SOX5: variants seen among roughly 807,000 people sequenced by gnomAD.
SOX5 encodes the protein SRY-box transcription factor 5.
A neutral mutation model predicts 92.0 loss-of-function variants in SOX5; 9 were observed. The ratio of observed to expected loss-of-function variants is 0.10; its 90% CI spans 0.06 to 0.17. The LOEUF (loss-of-function observed/expected upper bound fraction) is 0.17. Ranked by LOEUF, SOX5 falls within the 10% of genes least tolerant of loss-of-function variation. The pLI is 1.00. For missense variants in SOX5, 642 were observed against 944.5 expected (o/e 0.68, Z 4.20); for synonymous variants, 344 against 336.3 (o/e 1.02, Z -0.25).
intron 3 of SOX5, among the ~76,000 whole-genome samples, chr12:23,837,233 TA>T (rs1241128188): frequency 1.3e-4 from 11 of 82,726 alleles, no homozygotes; most frequent in African/African-American, 3.7e-4. Flanking sequence ...ATATAATATA[TA>T]TTTATATAAT....
At chr12:24,334,240 T>C (rs1951651868) in intron 2 of SOX5, among the ~76,000 whole-genome samples, 2 of 152,038 alleles carry the variant, frequency 1.3e-5, no homozygotes, top group African/African-American at 2.4e-5. Context: ...AGAAATAATA[T>C]AGATTTTAGT....
intron 2 of SOX5, among the ~76,000 whole-genome samples, chr12:23,858,846 G>C (rs935775565): frequency 1.2e-4 from 18 of 152,274 alleles, no homozygotes; most frequent in African/African-American, 4.1e-4. Flanking sequence ...AGATTTCATG[G>C]ACATTTATTA....
At chr12:23,905,616 A>C (rs2097284539) in intron 1 of SOX5, among the ~76,000 whole-genome samples, 1 of 152,212 alleles carries the variant, frequency 6.6e-6, no homozygotes, top group African/African-American at 2.4e-5. Flanking sequence ...ACTCCACTGA[A>C]ATCATTTTAT....
At chr12:23,978,807 T>A (rs965797623) in intron 4 of SOX5, among the ~76,000 whole-genome samples, 2 of 152,174 alleles carry the variant, frequency 1.3e-5, no homozygotes, top group Admixed American at 1.3e-4. Context: ...ATAAAGGAAT[T>A]ATATTTTTCC....
At chr12:24,351,248 A>T (rs951454199) in intron 2 of SOX5, among the ~76,000 whole-genome samples, 1 of 152,172 alleles carries the variant, frequency 6.6e-6, no homozygotes, top group African/African-American at 2.4e-5. Context: ...AAAACTATAT[A>T]AACTTGCTCA....
At chr12:24,256,235 T>C (rs1164235170) in intron 3 of SOX5, among the ~76,000 whole-genome samples, 1 of 152,222 alleles carries the variant, frequency 6.6e-6, no homozygotes, top group Admixed American at 6.5e-5. Context: ...GAATAAATGG[T>C]TGAGAAATAT....
chr12:23,551,517 ACT>A (rs1944220503), intron 11 of SOX5, among the ~76,000 whole-genome samples: 1 of 151,854 alleles, frequency 6.6e-6, no homozygotes, highest in Non-Finnish European at 1.5e-5. Context: ...ACACATACAC[ACT>A]CACACAAATA....
intron 4 of SOX5, among the ~76,000 whole-genome samples, chr12:24,057,328 T>C (rs1011974382): frequency 2.0e-4 from 31 of 152,198 alleles, no homozygotes; most frequent in African/African-American, 7.2e-4. Flanking sequence ...GGTAATTACA[T>C]TGTGAACAAC....
intron 6 of SOX5, among the ~76,000 whole-genome samples, chr12:23,667,135 CAG>C (rs1279790851): frequency 1.3e-5 from 2 of 151,774 alleles, no homozygotes; most frequent in Admixed American, 1.3e-4. Flanking sequence ...GTGGGGGCGG[CAG>C]AGAGAGGGAG....
chr12:24,383,940 G>T (rs1035153839), intron 1 of SOX5, among the ~76,000 whole-genome samples: 4 of 152,268 alleles, frequency 2.6e-5, no homozygotes, highest in South Asian at 2.1e-4. Flanking sequence ...AATCAGAGGG[G>T]CAGTTATCTT....
intron 1 of SOX5, among the ~76,000 whole-genome samples, chr12:24,517,367 T>C (rs1463340427): frequency 6.6e-6 from 1 of 151,960 alleles, no homozygotes; most frequent in Non-Finnish European, 1.5e-5. Flanking sequence ...GGTGCTTACA[T>C]CCACATCAAG....
At chr12:23,791,723 A>C (rs2095478134) in intron 3 of SOX5, among the ~76,000 whole-genome samples, 1 of 152,160 alleles carries the variant, frequency 6.6e-6, no homozygotes, top group Admixed American at 6.5e-5. Flanking sequence ...TACTTTGTTT[A>C]TATGAATTAC....
At chr12:23,685,476 T>C (rs1381406534) in intron 6 of SOX5, among the ~76,000 whole-genome samples, 2 of 152,140 alleles carry the variant, frequency 1.3e-5, no homozygotes, top group Admixed American at 6.6e-5. Flanking sequence ...TGTGTGTCTC[T>C]ATACATTTGA....
chr12:23,833,196 T>C (rs563007983), intron 3 of SOX5, among the ~76,000 whole-genome samples: 19 of 152,060 alleles, frequency 1.2e-4, no homozygotes, highest in Admixed American at 1.3e-4. Flanking sequence ...TGAGGGAAGC[T>C]TGGAAGACTA....
chr12:23,674,335 A>ATTTTTTTTTTTTTT (rs1357255307), intron 6 of SOX5, among the ~76,000 whole-genome samples: 1 of 23,218 alleles, frequency 4.3e-5, no homozygotes, highest in African/African-American at 1.5e-4. Flanking sequence ...CATAAAAAGG[A>ATTTTTTTTTTTTTT]ATTTTTTTTT....
intron 4 of SOX5, among the ~76,000 whole-genome samples, chr12:23,999,140 C>CTCTGTG (rs1555467148): frequency 2.8e-5 from 4 of 141,394 alleles, no homozygotes; most frequent in Non-Finnish European, 6.1e-5. Context: ...AAAAAAGACT[C>CTCTGTG]TGTGTGTGTG....
chr12:23,637,380 T>C (rs980555008), intron 8 of SOX5, among the ~76,000 whole-genome samples: 6 of 152,112 alleles, frequency 3.9e-5, no homozygotes, highest in African/African-American at 1.4e-4. Context: ...AACTCTTCAA[T>C]GGTTCTAAAG....
At chr12:24,007,904 G>C (rs1952496100) in intron 4 of SOX5, among the ~76,000 whole-genome samples, 1 of 150,754 alleles carries the variant, frequency 6.6e-6, no homozygotes, top group Non-Finnish European at 1.5e-5. Flanking sequence ...CATTATTTCT[G>C]AATTATTTTA....
chr12:23,976,306 G>A (rs1415808803), intron 4 of SOX5, among the ~76,000 whole-genome samples: 1 of 148,654 alleles, frequency 6.7e-6, no homozygotes, highest in Non-Finnish European at 1.5e-5. Flanking sequence ...AGAAATGGAT[G>A]TGCAGTCCCG....
Sources: allele counts gnomAD v4.1 joint callset (sites outside exome capture counted in the v4.1 genomes callset), GRCh38; gene constraint gnomAD v4.1.1; transcripts MANE v1.5; gene names NCBI Gene and HGNC (gene_info 2026-07-23, HGNC 2026-07-21).